PIBF1: variants seen among roughly 807,000 people sequenced by gnomAD.
The protein encoded by PIBF1 is progesterone-induced-blocking factor 1.
Under a neutral mutation model 112.5 loss-of-function variants are expected in PIBF1, and 90 were observed. The observed-to-expected ratio is 0.80, with a 90% confidence interval of 0.67 to 0.95. PIBF1 has a LOEUF of 0.95. Among genes scored for constraint, PIBF1 ranks in the 40% least tolerant of loss-of-function variants. PIBF1 has a pLI of 0.00. For synonymous variants in PIBF1, 301 were observed against 288.6 expected (o/e 1.04, Z -0.44); for missense variants, 915 against 852.3 (o/e 1.07, Z -0.92).
intron 10 of PIBF1, among the ~76,000 whole-genome samples, chr13:72,891,940 A>G (rs535399458): frequency 6.8e-4 from 103 of 152,282 alleles, no homozygotes; most frequent in African/African-American, 2.4e-3. Flanking sequence ...AGAAGGCCAC[A>G]TATTATATGA....
intron 14 of PIBF1, among the ~76,000 whole-genome samples, chr13:72,952,361 A>T (rs1011640397): frequency 9.9e-5 from 15 of 151,764 alleles, no homozygotes; most frequent in Non-Finnish European, 2.2e-4. Flanking sequence ...GCCCAGCTTT[A>T]ATTTCTTTAT....
At chr13:72,844,586 T>A (rs1172528053) in intron 9 of PIBF1, among the ~76,000 whole-genome samples, 2 of 152,070 alleles carry the variant, frequency 1.3e-5, no homozygotes, top group Non-Finnish European at 2.9e-5. Context: ...GAACATTCAG[T>A]GTTTCGGTTT....
At chr13:72,943,433 A>G (rs1281502716) in intron 14 of PIBF1, among the ~76,000 whole-genome samples, 1 of 152,232 alleles carries the variant, frequency 6.6e-6, no homozygotes, top group South Asian at 2.1e-4. Context: ...TCACATATGC[A>G]TGTATCAAAA....
rs2035247383 is a variant in PIBF1 at position 72,797,374 on chromosome 13, AAT to A, written c.553-530_553-529del. Among the ~76,000 whole-genome samples, 14 of 152,324 alleles carry A rather than the reference AAT, an allele frequency of 9.2e-5. No individual in the cohort carries two copies. The South Asian group carries it at 2.9e-3, about 32-fold the overall frequency. On this transcript the variant is annotated intron_variant, in intron 4 of 17. Transcript: ENST00000326291. ...AACACAGGCAATAACTTAAAAATTA[AAT>A]ATGTAGAATATCTGTTTGTCAAAGG...
chr13:72,919,646 C>G (rs889274028), intron 13 of PIBF1, among the ~76,000 whole-genome samples: 1 of 152,092 alleles, frequency 6.6e-6, no homozygotes, highest in Non-Finnish European at 1.5e-5. Context: ...ATTTTGGCCT[C>G]TGAATCCTTC....
chr13:72,796,799 CTGTT>C (rs1258610892), intron 4 of PIBF1, among the ~76,000 whole-genome samples: 5 of 151,912 alleles, frequency 3.3e-5, no homozygotes, highest in African/African-American at 1.2e-4. Flanking sequence ...CATATTTTTG[CTGTT>C]TGTTTTCTTA....
intron 9 of PIBF1, among the ~76,000 whole-genome samples, chr13:72,836,778 A>G (rs2037379577): frequency 6.6e-6 from 1 of 152,128 alleles, no homozygotes; most frequent in Non-Finnish European, 1.5e-5. Context: ...CTTAGTAGAA[A>G]GTCATAAAAT....
chr13:72,917,505 C>G (rs1215154070), intron 13 of PIBF1, among the ~76,000 whole-genome samples: 1 of 150,754 alleles, frequency 6.6e-6, no homozygotes, highest in South Asian at 2.1e-4. Context: ...TTCTTTCTCT[C>G]ATTTTTATTC....
chr13:72,827,870 CA>C lies in PIBF1; in HGVS notation c.1058del (p.Lys353ArgfsTer11), dbSNP rs745846414. On this transcript the variant is annotated frameshift_variant, in exon 8 of 18. Coordinates refer to ENST00000326291, the MANE Select transcript of PIBF1 (RefSeq NM_006346.4). LOFTEE classifies it high-confidence loss of function. ...GACTTCAAGCTCAACTGGAAGAAAG[CA>C]AAAAGGCTAGAGAAGAGATGTATGA... ...ERLQAQLEES[K>X]KAREEMYEKY... is the part of the protein sequence containing the mutation. 1 of 1,586,276 alleles carries C rather than the reference CA, an allele frequency of 6.3e-7. No individual in the cohort carries two copies. The highest frequency in any genetic ancestry group is 8.6e-7 in the Non-Finnish European group (1 of 1,166,904).
In PIBF1 at chr13:72,897,517, G is replaced by A. The variant is rs115198824; in HGVS notation, c.1488+3568G>A. Reference sequence around the variant, plus strand: ...CCTAAATGCTCCACTTAAAAAAGGTGCAGAACTACAGAATGGATGAGAACT... The same window carrying A: ...CCTAAATGCTCCACTTAAAAAAGGTACAGAACTACAGAATGGATGAGAACT... On this transcript the variant is annotated intron_variant, in intron 11 of 17. Coordinates refer to ENST00000326291, the MANE Select transcript of PIBF1 (RefSeq NM_006346.4). Among the ~76,000 whole-genome samples, 1,120 of 152,232 alleles carry A rather than the reference G, an allele frequency of 7.4e-3. 9 individuals are homozygous for A. Among genetic ancestry groups the A allele is most frequent in the African/African-American group, 0.025 (1,028 of 41,542 alleles).
chr13:72,822,598 AAT>A (rs1198603723), intron 6 of PIBF1, among the ~76,000 whole-genome samples: 1 of 152,164 alleles, frequency 6.6e-6, no homozygotes, highest in Non-Finnish European at 1.5e-5. Flanking sequence ...AAAGCCTTTA[AAT>A]ATATATGTAC....
At chr13:72,922,279 AT>A (rs1325230519) in intron 13 of PIBF1, among the ~76,000 whole-genome samples, 3 of 152,134 alleles carry the variant, frequency 2.0e-5, no homozygotes, top group African/African-American at 7.2e-5. Flanking sequence ...CACCCAGCCT[AT>A]TTTTTAAAAC....
At chr13:72,825,496 G>A (rs2036765271) in intron 6 of PIBF1, among the ~76,000 whole-genome samples, 2 of 152,210 alleles carry the variant, frequency 1.3e-5, no homozygotes, top group South Asian at 4.1e-4. Flanking sequence ...AACACCAATC[G>A]AAAATACAAT....
chr13:72,945,826 A>G (rs2042135045), intron 14 of PIBF1, among the ~76,000 whole-genome samples: 6 of 152,216 alleles, frequency 3.9e-5, no homozygotes, highest in Admixed American at 2.0e-4. Flanking sequence ...TCTATTATCA[A>G]TTTTCAGTAA....
chr13:72,914,184 T>C (rs1052132603), intron 12 of PIBF1, among the ~76,000 whole-genome samples: 15 of 152,336 alleles, frequency 9.8e-5, no homozygotes, highest in African/African-American at 3.4e-4. Flanking sequence ...CGGGTAATTT[T>C]AGCCGACATG....
chr13:72,824,206 A>G (rs567304513), intron 6 of PIBF1, among the ~76,000 whole-genome samples: 1 of 146,042 alleles, frequency 6.8e-6, no homozygotes, highest in Non-Finnish European at 1.5e-5. Context: ...TTAAGTAGAG[A>G]CATGGTTCCA....
chr13:72,860,638 G>A (rs1276806280), intron 10 of PIBF1, among the ~76,000 whole-genome samples: 1 of 151,966 alleles, frequency 6.6e-6, no homozygotes, highest in Non-Finnish European at 1.5e-5. Context: ...TTCTAGTCAG[G>A]TATAATTTGT....
At position 72,799,926 on chromosome 13, in the gene PIBF1, T is replaced by TA. The variant is rs554790482; in HGVS notation, c.672+1901dup. Among the ~76,000 whole-genome samples, 442 of 152,328 alleles carry TA rather than the reference T, an allele frequency of 2.9e-3. 4 individuals are homozygous for TA. Among genetic ancestry groups the TA allele is most frequent in the African/African-American group, 9.9e-3 (411 of 41,570 alleles). ...GAACACAGATTCCTCAGGCCATTCT[T>TA]AGAGTTTGTGGTTTTTCTGCCCTGT... On this transcript the variant is annotated intron_variant, in intron 5 of 17. Transcript: ENST00000326291.
chr13:72,828,433 C>G (rs922779781), intron 8 of PIBF1, among the ~76,000 whole-genome samples: 9 of 152,056 alleles, frequency 5.9e-5, no homozygotes, highest in African/African-American at 1.9e-4. Context: ...CCTAGCCCCC[C>G]ACTCCCCGAC....
Sources: gnomAD v4.1 joint callset for allele counts (sites outside exome capture counted in the v4.1 genomes callset) on GRCh38, gnomAD v4.1.1 for gene constraint, MANE v1.5 for transcripts, NCBI Gene and HGNC (gene_info 2026-07-23, HGNC 2026-07-21) for gene names.